CEP85L: variants seen among roughly 807,000 people sequenced by gnomAD.
The protein encoded by CEP85L is centrosomal protein of 85 kDa-like.
In CEP85L, 60 loss-of-function variants were observed where a neutral mutation model predicts 100.3. That is an observed-to-expected ratio of 0.60 (90% CI 0.49 to 0.74). The LOEUF is 0.74. CEP85L is among the 30% of genes least tolerant of loss of function. The probability of loss-of-function intolerance (pLI) is 0.00; values close to 1 mark genes in which losing one functional copy is unlikely to be tolerated. For synonymous variants in CEP85L, 319 were observed against 322.7 expected, an observed-to-expected ratio of 0.99 and a Z score of 0.12; for missense variants, 973 against 936.2, an observed-to-expected ratio of 1.04 and a Z score of -0.51.
chr6:118,657,195 G>A (rs917763100), upstream of CEP85L: 1 of 152,288 alleles, frequency 6.6e-6, no homozygotes, highest in African/African-American at 2.4e-5. Flanking sequence ...TGATGAAAAT[G>A]TTTCCCAGAG....
chr6:118,604,924 C>A (rs1772085905), intron 2 of CEP85L, among the ~76,000 whole-genome samples: 1 of 151,994 alleles, frequency 6.6e-6, no homozygotes, highest in African/African-American at 2.4e-5. Context: ...AACAAAAAGG[C>A]ATTAAAGTTT....
intron 1 of CEP85L, among the ~76,000 whole-genome samples, chr6:118,706,153 T>C (rs1296497850): frequency 6.6e-6 from 1 of 152,182 alleles, no homozygotes; most frequent in African/African-American, 2.4e-5. Flanking sequence ...ATAAGTTGCC[T>C]TAAATTTAAC....
intron 2 of CEP85L, among the ~76,000 whole-genome samples, chr6:118,605,599 G>A (rs1231027814): frequency 6.6e-6 from 1 of 152,176 alleles, no homozygotes; most frequent in African/African-American, 2.4e-5. Context: ...TTTAATTCCT[G>A]GGGTTTCATG....
rs1349011771 is a variant in CEP85L at position 118,558,624 on chromosome 6, CAT to C, written c.1020+6903_1020+6904del. Among the ~76,000 whole-genome samples, 251 of 84,096 alleles carry C rather than the reference CAT, an allele frequency of 3.0e-3. 1 individual carries two copies. The highest frequency in any genetic ancestry group is 0.012 in the African/African-American group (239 of 20,612). 55.2% of individuals were successfully genotyped at this position (84,096 alleles called of 152,430 possible). A position where few individuals can be genotyped will look rare whatever the true frequency, so the allele number is the denominator to read the frequency against. Reference sequence around the variant, plus strand: ...AGACAGACACATAGAAACACGTGCACATACACACACACACACACACACACACA... The same window carrying C: ...AGACAGACACATAGAAACACGTGCACACACACACACACACACACACACACA... On this transcript the variant is annotated intron_variant, in intron 3 of 12. Coordinates refer to ENST00000368491, the MANE Select transcript of CEP85L (RefSeq NM_001042475.3).
At chr6:118,557,878 C>T (rs2114962257) in intron 3 of CEP85L, among the ~76,000 whole-genome samples, 1 of 152,114 alleles carries the variant, frequency 6.6e-6, no homozygotes, top group Non-Finnish European at 1.5e-5. Context: ...ATTTTCATTT[C>T]TCAAACATGA....
chr6:118,566,408 T>C, intron 2 of CEP85L, 92 bp from the exon 3 acceptor site: 3 of 1,100,474 alleles, frequency 2.7e-6, no homozygotes, highest in Non-Finnish European at 3.8e-6. Flanking sequence ...TATCTGAACA[T>C]GGTTTCATAG....
At chr6:118,636,748 T>C (rs1774517926) in intron 1 of CEP85L, among the ~76,000 whole-genome samples, 1 of 152,182 alleles carries the variant, frequency 6.6e-6, no homozygotes, top group Admixed American at 6.5e-5. Flanking sequence ...CACTGGCTTT[T>C]TCCTACCTTC....
intron 3 of CEP85L, among the ~76,000 whole-genome samples, chr6:118,561,937 T>G (rs73766558): frequency 6.6e-6 from 1 of 152,140 alleles, no homozygotes; most frequent in Non-Finnish European, 1.5e-5. Context: ...TCTGGCAAAG[T>G]AGGACTATAA....
At chr6:118,571,385 G>T (rs1303456328) in intron 2 of CEP85L, among the ~76,000 whole-genome samples, 3 of 152,322 alleles carry the variant, frequency 2.0e-5, no homozygotes, top group Non-Finnish European at 4.4e-5. Context: ...TGAGCTAATG[G>T]TTTCAGACAG....
chr6:118,510,526 T>G (rs1433837385), intron 5 of CEP85L, among the ~76,000 whole-genome samples: 1 of 152,064 alleles, frequency 6.6e-6, no homozygotes, highest in Non-Finnish European at 1.5e-5. Context: ...GAGATAAATC[T>G]CCCCTTTCTT....
At chr6:118,651,008 G>C (rs1775516967) in intron 1 of CEP85L, among the ~76,000 whole-genome samples, 189 bp downstream of exon 1, 2 of 152,134 alleles carry the variant, frequency 1.3e-5, no homozygotes, top group South Asian at 4.1e-4. Context: ...GGGCTGATGC[G>C]CCTGGGACGC....
rs780082801 is a variant in CEP85L at position 118,558,937 on chromosome 6, T to C, written c.1020+6592A>G. 5 of 1,613,838 alleles carry C rather than the reference T, an allele frequency of 3.1e-6. No individual in the cohort carries two copies. The African/African-American group carries it at 4.0e-5, about 13-fold the overall frequency. ...TGCTGGTATCATGGAGAAAGTCCAATACCTCACTCGCTCAGCTATAAGAAG... is the reference window on the plus strand; with the variant it reads ...TGCTGGTATCATGGAGAAAGTCCAACACCTCACTCGCTCAGCTATAAGAAG... On this transcript the variant is annotated intron_variant, in intron 3 of 12. Coordinates refer to ENST00000368491, the MANE Select transcript of CEP85L (RefSeq NM_001042475.3).
chr6:118,651,641 G>T (rs1562340840), upstream of CEP85L: 1 of 1,023,450 alleles, frequency 9.8e-7, no homozygotes, highest in Non-Finnish European at 1.2e-6. Context: ...CCGCGAGGGG[G>T]CGGGGCCTCG....
chr6:118,641,531 T>C (rs1774869954), intron 1 of CEP85L, among the ~76,000 whole-genome samples: 1 of 152,214 alleles, frequency 6.6e-6, no homozygotes, highest in Admixed American at 6.5e-5. Context: ...ATATATAACA[T>C]AAACGGAGGT....
At chr6:118,493,843 T>G (rs565814483) in intron 5 of CEP85L, among the ~76,000 whole-genome samples, 16 of 152,214 alleles carry the variant, frequency 1.1e-4, no homozygotes, top group Non-Finnish European at 1.8e-4. Context: ...CAAGTACAGA[T>G]GGACACCAGG....
intron 1 of CEP85L, among the ~76,000 whole-genome samples, chr6:118,676,748 T>C (rs1776496658): frequency 6.6e-6 from 1 of 152,240 alleles, no homozygotes; most frequent in South Asian, 2.1e-4. Flanking sequence ...TTTTAGTTTT[T>C]TCATAAGCCT....
At chr6:118,634,449 A>T (rs1025146358) in intron 1 of CEP85L, among the ~76,000 whole-genome samples, 1 of 152,184 alleles carries the variant, frequency 6.6e-6, no homozygotes, top group Non-Finnish European at 1.5e-5. Context: ...TTATCAATTA[A>T]ATTTAGGCTT....
At chr6:118,508,072 G>C (rs1162257345) in intron 5 of CEP85L, among the ~76,000 whole-genome samples, 1 of 152,146 alleles carries the variant, frequency 6.6e-6, no homozygotes. Flanking sequence ...TCTCTGTAGG[G>C]TTTAAGTTCC....
intron 3 of CEP85L, among the ~76,000 whole-genome samples, chr6:118,561,342 C>T (rs1207674292): frequency 3.9e-5 from 6 of 152,088 alleles, no homozygotes; most frequent in Non-Finnish European, 8.8e-5. Flanking sequence ...CTGTTTGTTA[C>T]AATATTTTTC....
Sources: allele counts gnomAD v4.1 joint callset (sites outside exome capture counted in the v4.1 genomes callset), GRCh38; gene constraint gnomAD v4.1.1; transcripts MANE v1.5; gene names NCBI Gene and HGNC (gene_info 2026-07-23, HGNC 2026-07-21).